The following HPSE2 variants were observed in gnomAD, a reference collection of about 807,000 sequenced individuals.
HPSE2 encodes heparanase 2 (inactive), also known as inactive heparanase-2.
In HPSE2, 38 loss-of-function variants were observed where a neutral mutation model predicts 60.5. The observed-to-expected ratio is 0.63, with a 90% confidence interval of 0.48 to 0.82. The LOEUF (loss-of-function observed/expected upper bound fraction) is 0.82, where lower values mean the gene tolerates loss of function less well. Ranked by LOEUF, HPSE2 falls within the 40% of genes least tolerant of loss-of-function variation. HPSE2 has a pLI of 0.00. For synonymous variants in HPSE2, 295 were observed against 293.2 expected (o/e 1.01, Z -0.06); for missense variants, 713 against 740.4 (o/e 0.96, Z 0.43).
chr10:98,925,005 T>C (rs1954407204), intron 3 of HPSE2, among the ~76,000 whole-genome samples: 1 of 152,172 alleles, frequency 6.6e-6, no homozygotes, highest in Non-Finnish European at 1.5e-5. Flanking sequence ...AGGGCAGCAC[T>C]GAGTTCAATG....
chr10:99,100,492 T>C (rs1589655328), intron 3 of HPSE2, among the ~76,000 whole-genome samples: 1 of 152,106 alleles, frequency 6.6e-6, no homozygotes, highest in South Asian at 2.1e-4. Context: ...GGGGACTATG[T>C]GAAAAGACCA....
intron 3 of HPSE2, among the ~76,000 whole-genome samples, chr10:99,001,906 A>C (rs938389311): frequency 2.6e-5 from 4 of 152,128 alleles, no homozygotes; most frequent in Non-Finnish European, 5.9e-5. Flanking sequence ...GACTGTAATT[A>C]GTTTAGGCTT....
At chr10:99,200,947 A>G (rs1848556484) in intron 2 of HPSE2, among the ~76,000 whole-genome samples, 1 of 152,200 alleles carries the variant, frequency 6.6e-6, no homozygotes, top group Non-Finnish European at 1.5e-5. Context: ...ATCCTCAACT[A>G]TCAAATTGTC....
intron 3 of HPSE2, among the ~76,000 whole-genome samples, chr10:99,076,680 G>T (rs1161250602): frequency 6.6e-6 from 1 of 152,136 alleles, no homozygotes; most frequent in East Asian, 1.9e-4. Flanking sequence ...GAGCCTCCAT[G>T]CCTGACTCTA....
intron 3 of HPSE2, among the ~76,000 whole-genome samples, chr10:99,001,014 A>C (rs1430390610): frequency 6.6e-6 from 1 of 152,034 alleles, no homozygotes; most frequent in African/African-American, 2.4e-5. Context: ...TGTGTTATTA[A>C]ATAGCTGAAC....
At chr10:99,144,139 A>C in intron 3 of HPSE2, 99 bp downstream of exon 3, 1 of 1,141,068 alleles carries the variant, frequency 8.8e-7, no homozygotes, top group Non-Finnish European at 1.3e-6. Context: ...ATCACAATTT[A>C]AAAAGTGATA....
chr10:98,827,143 C>T (rs1267808977), intron 3 of HPSE2, among the ~76,000 whole-genome samples: 1 of 131,910 alleles, frequency 7.6e-6, no homozygotes, highest in Non-Finnish European at 1.6e-5. Context: ...AGAGCAAGAC[C>T]CTGTCTCTAA....
chr10:98,605,745 C>T, intron 9 of HPSE2, among the ~76,000 whole-genome samples: 1 of 152,214 alleles, frequency 6.6e-6, no homozygotes, highest in East Asian at 1.9e-4. Context: ...GTGCAGGGAG[C>T]TTGAGCTAAA....
intron 5 of HPSE2, among the ~76,000 whole-genome samples, chr10:98,720,515 T>A (rs1385737536): frequency 6.6e-6 from 1 of 152,156 alleles, no homozygotes; most frequent in East Asian, 1.9e-4. Context: ...ACTAATACAT[T>A]GCTGCCCTGA....
intron 3 of HPSE2, among the ~76,000 whole-genome samples, chr10:99,120,154 G>A (rs1844889924): frequency 6.6e-6 from 1 of 152,046 alleles, no homozygotes; most frequent in Non-Finnish European, 1.5e-5. Flanking sequence ...AGAGTAAACA[G>A]ACAACCTACA....
intron 9 of HPSE2, among the ~76,000 whole-genome samples, chr10:98,531,373 C>T (rs1011642386): frequency 6.6e-6 from 1 of 152,182 alleles, no homozygotes; most frequent in African/African-American, 2.4e-5. Flanking sequence ...GATGGGAAAA[C>T]AGCATATTTC....
intron 2 of HPSE2, among the ~76,000 whole-genome samples, chr10:99,205,531 A>G (rs6584247): frequency 0.5 from 75,385 of 151,908 alleles, 21,775 homozygotes; most frequent in Non-Finnish European, 0.64. Context: ...GCAGTGAGTC[A>G]AGATCACACC....
intron 3 of HPSE2, among the ~76,000 whole-genome samples, chr10:99,039,922 C>T (rs1440259236): frequency 6.6e-6 from 1 of 152,122 alleles, no homozygotes; most frequent in Non-Finnish European, 1.5e-5. Context: ...TTTACTCACC[C>T]TTAATTATTC....
intron 3 of HPSE2, among the ~76,000 whole-genome samples, chr10:98,806,021 T>C (rs1951033385): frequency 2.6e-5 from 4 of 152,320 alleles, no homozygotes; most frequent in Middle Eastern, 6.8e-3. Context: ...TGAATTTAAA[T>C]AGTCGACTGA....
At chr10:99,025,071 A>C (rs1957346444) in intron 3 of HPSE2, among the ~76,000 whole-genome samples, 1 of 152,222 alleles carries the variant, frequency 6.6e-6, no homozygotes. Flanking sequence ...TCCTAAGTAG[A>C]AAAACTAAAC....
rs1454378582 is a variant in HPSE2, at chr10:99,168,056, T to G, written c.449-23657A>C. Among the ~76,000 whole-genome samples the G allele has an allele frequency of 2.0e-5, 3 of 150,616 alleles. No homozygotes were observed. In the Admixed American group the frequency reaches 2.0e-4, roughly 10 times the overall value. ...GGATACCGAATTTTATCAAATGCTT[T>G]CTCTGCATCTATTGAGGTGATCAGC... On this transcript the variant is annotated intron_variant, in intron 2 of 11. Coordinates refer to ENST00000370552, the MANE Select transcript of HPSE2 (RefSeq NM_021828.5).
At chr10:98,823,941 A>C (rs1393963701) in intron 3 of HPSE2, among the ~76,000 whole-genome samples, 2 of 152,330 alleles carry the variant, frequency 1.3e-5, no homozygotes, top group East Asian at 3.9e-4. Flanking sequence ...CATTTACCAT[A>C]ACAGAATATA....
intron 1 of HPSE2, among the ~76,000 whole-genome samples, chr10:99,235,073 T>TCA (rs35858706): frequency 3.4e-5 from 1 of 29,708 alleles, no homozygotes; most frequent in Non-Finnish European, 6.5e-5. Flanking sequence ...GCTTGAACAC[T>TCA]CACACACACA....
intron 9 of HPSE2, among the ~76,000 whole-genome samples, chr10:98,602,141 T>C (rs1945445117): frequency 6.6e-6 from 1 of 152,150 alleles, no homozygotes; most frequent in Admixed American, 6.5e-5. Context: ...CTATTTTTAA[T>C]GAACAAAAGT....
Sources: gnomAD v4.1 joint callset for allele counts (sites outside exome capture counted in the v4.1 genomes callset) on GRCh38, gnomAD v4.1.1 for gene constraint, MANE v1.5 for transcripts, NCBI Gene and HGNC (gene_info 2026-07-23, HGNC 2026-07-21) for gene names.